Variants in TNNI3K observed in about 807,000 individuals in gnomAD.
TNNI3K encodes the protein serine/threonine-protein kinase TNNI3K.
TNNI3K carries 140 observed loss-of-function variants against 114.5 expected under a neutral mutation model. The ratio of observed to expected loss-of-function variants is 1.22; its 90% CI spans 1.07 to 1.41. The LOEUF is 1.41. Among genes scored for constraint, TNNI3K ranks in the 40% most tolerant of loss-of-function variants. TNNI3K has a pLI of 0.00. For missense variants in TNNI3K, 1,125 were observed against 1,007.6 expected (o/e 1.12, Z -1.58); for synonymous variants, 347 against 347.5 (o/e 1.00, Z 0.02).
chr1:74,483,257 A>C (rs1338022071), intron 21 of TNNI3K: 1 of 717,102 alleles, frequency 1.4e-6, no homozygotes, highest in South Asian at 1.5e-5. Context: ...TATTAGTTTT[A>C]TTACCTACTA....
At chr1:74,359,970 A>T (rs1661867881) in intron 11 of TNNI3K, among the ~76,000 whole-genome samples, 1 of 152,002 alleles carries the variant, frequency 6.6e-6, no homozygotes, top group Admixed American at 6.6e-5. Context: ...CACTTAGGTC[A>T]GAAATCTTGA....
chr1:74,259,276 T>A (rs1428227122), intron 4 of TNNI3K, among the ~76,000 whole-genome samples: 1 of 152,206 alleles, frequency 6.6e-6, no homozygotes, highest in Admixed American at 6.5e-5. Flanking sequence ...GTCCAAAGAC[T>A]TGAGAACCAG....
intron 3 of TNNI3K, 38 bp from the exon 4 acceptor site, chr1:74,250,634 C>G (rs1264115602): frequency 6.3e-7 from 1 of 1,590,970 alleles, no homozygotes; most frequent in Non-Finnish European, 8.6e-7. Flanking sequence ...CACCCCATCC[C>G]CACAATGATT....
chr1:74,453,039 C>T (rs1456954408), intron 20 of TNNI3K, among the ~76,000 whole-genome samples: 2 of 152,062 alleles, frequency 1.3e-5, no homozygotes, highest in East Asian at 3.9e-4. Context: ...CCCAAGTTAC[C>T]ATTTATCATT....
intron 7 of TNNI3K, among the ~76,000 whole-genome samples, chr1:74,337,909 C>A (rs981721848): frequency 2.0e-5 from 3 of 152,042 alleles, no homozygotes; most frequent in African/African-American, 7.2e-5. Context: ...TTTATGATTG[C>A]ATGAATATAC....
chr1:74,541,792 A>C (rs1646729620), intron 24 of TNNI3K, among the ~76,000 whole-genome samples: 1 of 152,208 alleles, frequency 6.6e-6, no homozygotes, highest in Non-Finnish European at 1.5e-5. Flanking sequence ...AGTACCTATA[A>C]ACAAAGAAGA....
At position 74,331,559 on chromosome 1, in the gene TNNI3K, C is replaced by T; in HGVS notation, c.543+11C>T. On this transcript the variant is annotated intron_variant, in intron 6 of 24. Transcript: ENST00000326637. ...TATGGACATGAACAGGTAAGTCTGA[C>T]AGTAGGATTTCCAAAGGTTAGGTGT... 6.2e-7 allele frequency: 1 copy of T among 1,605,168 alleles called. No homozygotes were observed. Among genetic ancestry groups the T allele is most frequent in the African/African-American group, 1.3e-5 (1 of 74,856 alleles).
chr1:74,461,331 T>A (rs1667445399), intron 20 of TNNI3K, among the ~76,000 whole-genome samples: 1 of 151,952 alleles, frequency 6.6e-6, no homozygotes. Context: ...TACAAAAAAA[T>A]TAGCTGGGGG....
chr1:74,472,430 A>C (rs1044080913), intron 21 of TNNI3K, among the ~76,000 whole-genome samples: 3 of 152,180 alleles, frequency 2.0e-5, no homozygotes, highest in Admixed American at 2.0e-4. Context: ...TGCTGACTTA[A>C]AAGTTGTGGA....
intron 17 of TNNI3K, among the ~76,000 whole-genome samples, chr1:74,385,888 A>G (rs894915140): frequency 6.6e-6 from 1 of 152,226 alleles, no homozygotes; most frequent in Non-Finnish European, 1.5e-5. Flanking sequence ...GAGTATTTAT[A>G]TATCATCTGA....
chr1:74,370,457 A>C (rs754426556), intron 17 of TNNI3K, 65 bp downstream of exon 17: 2 of 1,433,262 alleles, frequency 1.4e-6, no homozygotes, highest in Non-Finnish European at 1.9e-6. Flanking sequence ...GACAGATTTC[A>C]GTGAAGATAC....
intron 5 of TNNI3K, among the ~76,000 whole-genome samples, chr1:74,324,472 G>C (rs979263424): frequency 5.9e-5 from 9 of 152,178 alleles, no homozygotes; most frequent in African/African-American, 1.9e-4. Flanking sequence ...CTGCTCAATA[G>C]GACTTTCTGC....
At chr1:74,332,754 C>T (rs900027443) in intron 6 of TNNI3K, among the ~76,000 whole-genome samples, 1 of 151,958 alleles carries the variant, frequency 6.6e-6, no homozygotes. Context: ...ACCAAAGTAC[C>T]TCTTCTTATT....
intron 7 of TNNI3K, among the ~76,000 whole-genome samples, chr1:74,342,506 C>A (rs1243919868): frequency 1.3e-5 from 2 of 152,034 alleles, no homozygotes; most frequent in Non-Finnish European, 2.9e-5. Flanking sequence ...GAAAAACAAT[C>A]AATTTGAAAT....
At chr1:74,475,868 A>G (rs1668180460) in intron 21 of TNNI3K, 1 of 539,254 alleles carries the variant, frequency 1.9e-6, no homozygotes, top group East Asian at 2.9e-5. Flanking sequence ...CACATAAATC[A>G]TCAAATGTAA....
chr1:74,458,289 T>C (rs533020281), intron 20 of TNNI3K, among the ~76,000 whole-genome samples: 1 of 152,324 alleles, frequency 6.6e-6, no homozygotes, highest in South Asian at 2.1e-4. Flanking sequence ...ACGATTATAC[T>C]CTGTCTTCCC....
intron 23 of TNNI3K, among the ~76,000 whole-genome samples, chr1:74,521,012 A>T (rs556094621): frequency 1.3e-5 from 2 of 152,120 alleles, no homozygotes; most frequent in Non-Finnish European, 2.9e-5. Flanking sequence ...GGGAGCACAG[A>T]TCCACCTTCT....
intron 4 of TNNI3K, among the ~76,000 whole-genome samples, chr1:74,270,285 A>G (rs1268098383): frequency 3.3e-5 from 5 of 151,830 alleles, no homozygotes; most frequent in Admixed American, 6.6e-5. Context: ...TGAGACTGCA[A>G]CTGTCAACAG....
At chr1:74,466,049 AC>A (rs1171368071) in intron 21 of TNNI3K, among the ~76,000 whole-genome samples, 1 of 152,090 alleles carries the variant, frequency 6.6e-6, no homozygotes, top group African/African-American at 2.4e-5. Context: ...TGTAACACTG[AC>A]CCCGAAGGTC....
Sources: allele counts gnomAD v4.1 joint callset (sites outside exome capture counted in the v4.1 genomes callset), GRCh38; gene constraint gnomAD v4.1.1; transcripts MANE v1.5; gene names NCBI Gene and HGNC (gene_info 2026-07-23, HGNC 2026-07-21).